Variants in BNIP1 observed in about 807,000 individuals in gnomAD.
The protein encoded by BNIP1 is vesicle transport protein SEC20.
Under a neutral mutation model 28.5 loss-of-function variants are expected in BNIP1, and 25 were observed. The observed-to-expected ratio is 0.88, with a 90% CI of 0.64 to 1.23. The LOEUF is 1.23. Among genes scored for constraint, BNIP1 ranks in the 50% most tolerant of loss-of-function variants. BNIP1 has a pLI of 0.00. For missense variants in BNIP1, 276 were observed against 277.0 expected (o/e 1.00, Z 0.02); for synonymous variants, 118 against 101.7 (o/e 1.16, Z -0.96).
In BNIP1 at chr5:173,153,462, C is replaced by T. The variant is rs570421151; in HGVS notation, c.178-860C>T. On this transcript the variant is annotated intron_variant, in intron 2 of 5. Transcript: ENST00000351486. ...CAGGATGGTCTCGATCTCCTGACCT[C>T]GTGATCTCCCCGCCTCGGCCTCCCA... Among the ~76,000 whole-genome samples the T allele has an allele frequency of 2.2e-4, 33 of 152,194 alleles. No homozygotes were observed. The East Asian group carries it at 5.0e-3, about 23-fold the overall frequency.
At chr5:173,145,558 C>T (rs1369982999) in intron 1 of BNIP1, among the ~76,000 whole-genome samples, 5 of 152,206 alleles carry the variant, frequency 3.3e-5, no homozygotes, top group Non-Finnish European at 7.3e-5. Context: ...CCCGCCACCA[C>T]GCCCGGCTAA....
chr5:173,145,211 T>TA (rs1055557750), intron 1 of BNIP1, among the ~76,000 whole-genome samples: 2 of 152,090 alleles, frequency 1.3e-5, no homozygotes, highest in African/African-American at 4.8e-5. Context: ...ACCTGGACTG[T>TA]GAAAGTCAAC....
intron 2 of BNIP1, among the ~76,000 whole-genome samples, chr5:173,148,402 A>T: frequency 6.6e-6 from 1 of 152,002 alleles, no homozygotes. Flanking sequence ...TGGAGGGGTC[A>T]TGTTTCAAGG....
chr5:173,146,649 G>C lies in BNIP1; in HGVS notation c.85-217G>C, dbSNP rs5745113. ...TCAAAGCAGTTGTGTTTCTTTCTAGGCTTTTATATTAATTCAACATTAATC... is the reference window on the plus strand; with the variant it reads ...TCAAAGCAGTTGTGTTTCTTTCTAGCCTTTTATATTAATTCAACATTAATC... On this transcript the variant is annotated intron_variant, in intron 1 of 5. Transcript: ENST00000351486. 5.5e-3 allele frequency among the ~76,000 whole-genome samples: 844 copies of C among 152,208 alleles called. 17 individuals are homozygous for C. The highest frequency in any genetic ancestry group is 0.019 in the African/African-American group (799 of 41,528).
At chr5:173,158,156 C>G (rs1363716739) in intron 3 of BNIP1, among the ~76,000 whole-genome samples, 1 of 152,022 alleles carries the variant, frequency 6.6e-6, no homozygotes, top group East Asian at 1.9e-4. Flanking sequence ...GTCTTGAACT[C>G]CTGGGCTCAA....
Position 173,144,656 on chromosome 5 carries a change from C to T in BNIP1, c.84+27C>T, listed in dbSNP as rs372050551. On this transcript the variant is annotated intron_variant, in intron 1 of 5. Coordinates refer to ENST00000351486, the MANE Select transcript of BNIP1 (RefSeq NM_001205.3). The stretch of plus-strand genomic sequence containing the variant: ...TACTGATCCCGGGACCCCTGCCGGG[C>T]TCCAGCAGCCCTAACCCAAGCTCTG... 14 of 1,608,986 alleles carry T rather than the reference C, an allele frequency of 8.7e-6. No individual in the cohort carries two copies. The African/African-American group carries it at 1.3e-4, about 15-fold the overall frequency.
At position 173,162,655 on chromosome 5, in the gene BNIP1, G is replaced by A. The variant is rs138601673; in HGVS notation, c.491-1070G>A. On this transcript the variant is annotated intron_variant, in intron 5 of 5. Coordinates refer to ENST00000351486, the MANE Select transcript of BNIP1 (RefSeq NM_001205.3). ...AAAAAAAAAAGAAAAGAAACATTGT[G>A]TGGGTTTGACACTTACATCTCCTGA... Among the ~76,000 whole-genome samples, 30 of 152,116 alleles carry A rather than the reference G, an allele frequency of 2.0e-4. 1 individual carries two copies. In the East Asian group the frequency reaches 5.2e-3, roughly 26 times the overall value.
chr5:173,147,430 AT>A (rs999828231), intron 2 of BNIP1, among the ~76,000 whole-genome samples: 1 of 151,910 alleles, frequency 6.6e-6, no homozygotes, highest in African/African-American at 2.4e-5. Flanking sequence ...AAACTTTTGC[AT>A]GCAGAACACT....
chr5:173,158,887 T>C (rs745581396), intron 4 of BNIP1, 42 bp downstream of exon 4: 2 of 1,511,472 alleles, frequency 1.3e-6, no homozygotes, highest in South Asian at 1.2e-5. Flanking sequence ...TAATAATAGA[T>C]AACAATTGGC....
chr5:173,159,805 A>G, intron 4 of BNIP1, 128 bp from the exon 5 acceptor site: 5 of 824,638 alleles, frequency 6.1e-6, no homozygotes, highest in Non-Finnish European at 1.0e-5. Flanking sequence ...TCCAGCATTG[A>G]ATGTGATCAT....
chr5:173,160,806 C>T (rs996741397), intron 5 of BNIP1: 6 of 456,056 alleles, frequency 1.3e-5, no homozygotes, highest in African/African-American at 6.0e-5. Context: ...TACTCCCCAA[C>T]GTTATTTTTC....
At chr5:173,160,179 C>T in intron 5 of BNIP1, 128 bp downstream of exon 5, 1 of 777,154 alleles carries the variant, frequency 1.3e-6, no homozygotes. Flanking sequence ...TGGCTTCTCC[C>T]TCATGAGATG....
At position 173,158,846 on chromosome 5, in the gene BNIP1, G is replaced by T; in HGVS notation, c.371+1G>T. On this transcript the variant is annotated splice_donor_variant, in intron 4 of 5. Transcript: ENST00000351486. LOFTEE classifies it high-confidence loss of function. Reference sequence around the variant, plus strand: ...AGGGAGGAGATCTCTTAAGGCAAAGGTACCTATTCTTTTATTTTTCTGGGC... The same window carrying T: ...AGGGAGGAGATCTCTTAAGGCAAAGTTACCTATTCTTTTATTTTTCTGGGC... The T allele has an allele frequency of 6.2e-7, 1 of 1,608,170 alleles. No homozygotes were observed. Among genetic ancestry groups the T allele is most frequent in the Non-Finnish European group, 8.5e-7 (1 of 1,176,204 alleles).
intron 5 of BNIP1, chr5:173,161,616 C>A (rs1378281955): frequency 6.6e-6 from 1 of 152,146 alleles, no homozygotes; most frequent in Non-Finnish European, 1.5e-5. Context: ...AGTTCTTAAC[C>A]CTTTCCTTAT....
chr5:173,164,328 A>T lies in BNIP1; in HGVS notation c.*407A>T, dbSNP rs1361195395. The T allele has an allele frequency of 1.2e-5, 2 of 166,130 alleles. No individual in the cohort carries two copies. The highest frequency in any genetic ancestry group is 4.8e-5 in the African/African-American group (2 of 42,082). 10.3% of individuals were successfully genotyped at this position (166,130 alleles called of 1,614,324 possible). A position where few individuals can be genotyped will look rare whatever the true frequency, so the allele number is the denominator to read the frequency against. On this transcript the variant is annotated 3_prime_UTR_variant, in exon 6 of 6. Transcript: ENST00000351486. The surrounding 1 kb of genome is among the most constrained non-coding windows in gnomAD (Gnocchi z 4.0). ...AGAAAGGTGATGAAAACTCCTGGTCATTCCTTGAATAAACTTGATTTTATT... is the reference window on the plus strand; with the variant it reads ...AGAAAGGTGATGAAAACTCCTGGTCTTTCCTTGAATAAACTTGATTTTATT...
chr5:173,149,114 G>A (rs1759945645), intron 2 of BNIP1, among the ~76,000 whole-genome samples: 1 of 152,210 alleles, frequency 6.6e-6, no homozygotes, highest in Non-Finnish European at 1.5e-5. Context: ...AGAAGTAGCA[G>A]TTTGAATAGT....
At chr5:173,148,966 C>A (rs1759942512) in intron 2 of BNIP1, among the ~76,000 whole-genome samples, 1 of 152,022 alleles carries the variant, frequency 6.6e-6, no homozygotes, top group South Asian at 2.1e-4. Flanking sequence ...TCCTGGAATT[C>A]TTCTCACTGC....
In BNIP1 at chr5:173,163,903, G is replaced by A. The variant is rs1055489940; in HGVS notation, c.669G>A (p.Arg223=). Residue 223 remains arginine (R), a synonymous_variant, in exon 6 of 6, where the codon CGG becomes CGA. Coordinates refer to ENST00000351486, the MANE Select transcript of BNIP1 (RefSeq NM_001205.3). The part of the protein sequence containing the change: ...LATVLYIVKK[R]LFPFL Reference sequence around the variant, plus strand: ...CGGTCCTCTATATTGTGAAAAAGCGGCTCTTTCCATTTTTGTGAGATCCCA... The same window carrying A: ...CGGTCCTCTATATTGTGAAAAAGCGACTCTTTCCATTTTTGTGAGATCCCA... 3 of 1,601,098 alleles carry A rather than the reference G, an allele frequency of 1.9e-6. No individual in the cohort carries two copies. The highest frequency in any genetic ancestry group is 2.6e-6 in the Non-Finnish European group (3 of 1,174,406).
In BNIP1 at chr5:173,158,948, C is replaced by T. The variant is rs1760284841; in HGVS notation, c.371+103C>T. On this transcript the variant is annotated intron_variant, in intron 4 of 5. Transcript: ENST00000351486. ...TTCAGCTTGGTGCTTAATTTAATTA[C>T]ATAAGTAATTTTTTTAAGTTTGAAA... The T allele has an allele frequency of 9.5e-6, 7 of 733,452 alleles. No homozygotes were observed. The South Asian group carries it at 2.1e-4, about 22-fold the overall frequency. The allele number at this position is 733,452 out of a possible 1,614,324, so 45.4% of individuals were successfully genotyped here.
Sources: allele counts gnomAD v4.1 joint callset (sites outside exome capture counted in the v4.1 genomes callset), GRCh38; gene constraint gnomAD v4.1.1; non-coding constraint Gnocchi (gnomAD v3.1); transcripts MANE v1.5; gene names NCBI Gene and HGNC (gene_info 2026-07-23, HGNC 2026-07-21).